The following ELP3 variants were observed in gnomAD, a reference collection of about 807,000 sequenced individuals.
The protein encoded by ELP3 is elongator acetyltransferase complex subunit 3, also known as elongator complex protein 3.
Under a neutral mutation model 74.9 loss-of-function variants are expected in ELP3, and 56 were observed. The observed-to-expected ratio is 0.75, with a 90% CI of 0.60 to 0.93. The LOEUF is 0.93. Ranked by LOEUF, ELP3 falls within the 40% of genes least tolerant of loss-of-function variation. The pLI is 0.00. For missense variants in ELP3, 573 were observed against 686.5 expected, an observed-to-expected ratio of 0.83 and a Z score of 1.85; for synonymous variants, 222 against 239.8, an observed-to-expected ratio of 0.93 and a Z score of 0.68.
chr8:28,186,227 TA>T (rs1815235814), intron 14 of ELP3, among the ~76,000 whole-genome samples: 1 of 152,174 alleles, frequency 6.6e-6, no homozygotes, highest in South Asian at 2.1e-4. Flanking sequence ...GTTTCAGCTT[TA>T]CAAGATAAAG....
chr8:28,130,869 G>A (rs1057295663), intron 8 of ELP3, among the ~76,000 whole-genome samples: 1 of 152,198 alleles, frequency 6.6e-6, no homozygotes, highest in Non-Finnish European at 1.5e-5. Flanking sequence ...ATAGGAGAGT[G>A]ATAAGAGGTG....
chr8:28,124,397 G>T (rs1812493795), intron 7 of ELP3, among the ~76,000 whole-genome samples: 1 of 152,144 alleles, frequency 6.6e-6, no homozygotes, highest in Non-Finnish European at 1.5e-5. Context: ...CTATAAAAAT[G>T]AGGAGGTTTA....
intron 9 of ELP3, among the ~76,000 whole-genome samples, chr8:28,132,870 A>G (rs183154259): frequency 6.6e-6 from 1 of 152,146 alleles, no homozygotes; most frequent in Non-Finnish European, 1.5e-5. Flanking sequence ...AATATTATTT[A>G]AAAAACACTG....
Position 28,113,144 on chromosome 8 carries a change from T to A in ELP3, c.588T>A (p.His196Gln). ...ATTTACATGATGCCTTATCAGGACA[T>A]ACTTCCAACAATATTTACGAGGCAG... ...IRNLHDALSGHTSNNIYEAVK... is the reference protein window; with the variant it reads ...IRNLHDALSGQTSNNIYEAVK... The change falls in exon 7 of 15, where the codon CAT (histidine) becomes CAA (glutamine). Residue 196 changes from histidine (H) to glutamine (Q), a missense_variant. By Grantham distance (24) the His-to-Gln change is conservative (BLOSUM62 0). Transcript: ENST00000256398. 6.2e-7 allele frequency: 1 copy of A among 1,613,466 alleles called. No homozygotes were observed. Among genetic ancestry groups the A allele is most frequent in the Non-Finnish European group, 8.5e-7 (1 of 1,179,776 alleles).
At chr8:28,122,255 T>C (rs1362904099) in intron 7 of ELP3, among the ~76,000 whole-genome samples, 6 of 152,238 alleles carry the variant, frequency 3.9e-5, no homozygotes, top group Non-Finnish European at 7.3e-5. Flanking sequence ...TAATTTTCTT[T>C]TTTATAATTT....
intron 3 of ELP3, among the ~76,000 whole-genome samples, chr8:28,100,524 C>T (rs1048620251): frequency 1.3e-5 from 2 of 152,130 alleles, no homozygotes; most frequent in Admixed American, 6.5e-5. Context: ...GCGTGGTGCA[C>T]GCAGGAAATA....
chr8:28,129,522 C>G lies in ELP3; in HGVS notation c.638C>G (p.Thr213Arg). The change falls in exon 8 of 15, where the codon ACA becomes AGA. Residue 213 changes from threonine to arginine, a missense_variant. Physicochemically the swap from Thr to Arg is moderately conservative, Grantham distance 71. Coordinates refer to ENST00000256398, the MANE Select transcript of ELP3 (RefSeq NM_018091.6). ...EAVKYSERSL[T>R]KCIGITIETR... The stretch of plus-strand genomic sequence containing the variant: ...TACAGGTATTCTGAGAGAAGCCTCA[C>G]AAAGTGTATTGGAATTACTATTGAA... The G allele has an allele frequency of 1.2e-6, 2 of 1,614,164 alleles. No individual in the cohort carries two copies. Among genetic ancestry groups the G allele is most frequent in the Non-Finnish European group, 1.7e-6 (2 of 1,179,998 alleles).
intron 14 of ELP3, among the ~76,000 whole-genome samples, chr8:28,171,604 G>T (rs1814530081): frequency 6.6e-6 from 1 of 151,990 alleles, no homozygotes; most frequent in African/African-American, 2.4e-5. Context: ...TCCATTCTGT[G>T]GGTTGCCTTT....
intron 10 of ELP3, among the ~76,000 whole-genome samples, chr8:28,152,662 C>T (rs190709229): frequency 0.01 from 1,549 of 152,084 alleles, 25 homozygotes; most frequent in African/African-American, 0.035. Context: ...AAAAATTAGC[C>T]GGGTGTGGTG....
intron 1 of ELP3, 68 bp downstream of exon 1, chr8:28,093,301 G>A: frequency 1.3e-6 from 2 of 1,595,266 alleles, no homozygotes; most frequent in South Asian, 2.3e-5. Context: ...GCAATCAAAT[G>A]CTGAACCGAA....
intron 7 of ELP3, among the ~76,000 whole-genome samples, chr8:28,116,354 G>C (rs946770345): frequency 6.6e-6 from 1 of 152,202 alleles, no homozygotes; most frequent in South Asian, 2.1e-4. Flanking sequence ...TTCTGTGTCC[G>C]TGAATCTGGA....
chr8:28,153,776 G>A (rs1813725492), intron 10 of ELP3, among the ~76,000 whole-genome samples: 1 of 152,182 alleles, frequency 6.6e-6, no homozygotes, highest in Non-Finnish European at 1.5e-5. Context: ...TATGGTAACA[G>A]AGCTGATGAG....
intron 10 of ELP3, among the ~76,000 whole-genome samples, chr8:28,146,805 T>G (rs1361998211): frequency 6.6e-6 from 1 of 152,172 alleles, no homozygotes; most frequent in Non-Finnish European, 1.5e-5. Context: ...AGGAAAAACT[T>G]CCATCTGGTA....
At chr8:28,150,608 G>C (rs1372216191) in intron 10 of ELP3, among the ~76,000 whole-genome samples, 1 of 151,922 alleles carries the variant, frequency 6.6e-6, no homozygotes, top group Non-Finnish European at 1.5e-5. Context: ...CTATACGTAA[G>C]GTGTTTCCCC....
In ELP3 at chr8:28,137,827, G is replaced by C; in HGVS notation, c.1036G>C (p.Val346Leu). The C allele has an allele frequency of 1.2e-6, 2 of 1,614,086 alleles. No homozygotes were observed. Among genetic ancestry groups the C allele is most frequent in the Non-Finnish European group, 8.5e-7 (1 of 1,179,976 alleles). The change falls in exon 10 of 15, where the codon GTT (valine) becomes CTT (leucine). Residue 346 changes from valine to leucine, a missense_variant. Val to Leu is a conservative substitution (Grantham distance 32). Coordinates refer to ENST00000256398, the MANE Select transcript of ELP3 (RefSeq NM_018091.6). ...TAAGAGTTACTCTCCTAGTGACCTG[G>C]TTGAATTGGTGGCTCGGATCCTAGC... is the stretch of plus-strand genomic sequence containing the variant. Reference protein sequence around the residue: ...RYKSYSPSDLVELVARILALV... With the variant: ...RYKSYSPSDLLELVARILALV...
chr8:28,181,641 T>C (rs1815013227), intron 14 of ELP3, among the ~76,000 whole-genome samples: 1 of 152,218 alleles, frequency 6.6e-6, no homozygotes, highest in Admixed American at 6.5e-5. Context: ...AGGGATGTGC[T>C]TTCCCACGAA....
chr8:28,120,185 A>G (rs957349031), intron 7 of ELP3, among the ~76,000 whole-genome samples: 8 of 152,282 alleles, frequency 5.3e-5, no homozygotes, highest in African/African-American at 1.9e-4. Context: ...TGGCTCTACT[A>G]TTTGTACTCC....
chr8:28,097,072 A>G, intron 1 of ELP3, 147 bp from the exon 2 acceptor site: 3 of 558,498 alleles, frequency 5.4e-6, no homozygotes. Context: ...ATCAAATTGT[A>G]AACAGTAGAG....
chr8:28,108,993 A>G (rs1294840214), intron 5 of ELP3, among the ~76,000 whole-genome samples: 1 of 152,146 alleles, frequency 6.6e-6, no homozygotes, highest in African/African-American at 2.4e-5. Flanking sequence ...AGAAGTCACT[A>G]GAATGAGGCC....
Sources: allele counts gnomAD v4.1 joint callset (sites outside exome capture counted in the v4.1 genomes callset), GRCh38; gene constraint gnomAD v4.1.1; transcripts MANE v1.5; gene names NCBI Gene and HGNC (gene_info 2026-07-23, HGNC 2026-07-21).